RBM20: variants seen among roughly 807,000 people sequenced by gnomAD.
RBM20 encodes the protein RNA binding motif protein 20.
RBM20 carries 51 observed loss-of-function variants against 110.1 expected under a neutral mutation model. The ratio of observed to expected loss-of-function variants is 0.46; its 90% CI spans 0.37 to 0.59. RBM20 has a LOEUF of 0.59. Ranked by LOEUF, RBM20 falls within the 20% of genes least tolerant of loss-of-function variation. The pLI is 0.00. For missense variants in RBM20, 1,512 were observed against 1,574.9 expected (o/e 0.96, Z 0.68); for synonymous variants, 589 against 618.2 (o/e 0.95, Z 0.70).
chr10:110,648,015 T>C (rs975990667), intron 1 of RBM20, among the ~76,000 whole-genome samples: 3 of 152,242 alleles, frequency 2.0e-5, no homozygotes, highest in Admixed American at 6.5e-5. Context: ...CTTATTTGAT[T>C]TGCAGCAAAA....
intron 1 of RBM20, among the ~76,000 whole-genome samples, chr10:110,711,394 A>T (rs1486912336): frequency 6.9e-6 from 1 of 145,346 alleles, no homozygotes; most frequent in Non-Finnish European, 1.5e-5. Flanking sequence ...AGGACAGGCC[A>T]CTGCCACCTT....
intron 1 of RBM20, among the ~76,000 whole-genome samples, chr10:110,763,751 CTT>C (rs56845100): frequency 1.6e-4 from 10 of 64,392 alleles, no homozygotes; most frequent in African/African-American, 3.8e-4. Context: ...GGCTTCTTGG[CTT>C]TTTTTTTTTT....
chr10:110,781,916 G>A (rs1411861506), intron 2 of RBM20, 32 bp downstream of exon 2: 14 of 1,551,426 alleles, frequency 9.0e-6, no homozygotes, highest in Non-Finnish European at 8.7e-6. Flanking sequence ...GGGAGCCACA[G>A]CTAGAAGCCT....
chr10:110,786,169 G>T lies in RBM20; in HGVS notation c.1527+1280G>T, dbSNP rs145071447. On this transcript the variant is annotated intron_variant, in intron 5 of 13. Transcript: ENST00000369519. ...CTTCTCCTCTGGGCAGGAGAAAGGG[G>T]AGTGGGAGGAAAACTGACTGTAAAA... Among the ~76,000 whole-genome samples the T allele has an allele frequency of 4.7e-3, 715 of 152,326 alleles. 4 individuals are homozygous for T. Among genetic ancestry groups the T allele is most frequent in the African/African-American group, 0.017 (687 of 41,546 alleles).
At chr10:110,795,116 C>A (rs1226962624) in intron 5 of RBM20, among the ~76,000 whole-genome samples, 1 of 152,240 alleles carries the variant, frequency 6.6e-6, no homozygotes, top group East Asian at 1.9e-4. Context: ...AGAGACCAGG[C>A]AGAGCACCTA....
intron 1 of RBM20, among the ~76,000 whole-genome samples, chr10:110,766,206 G>A (rs71481108): frequency 0.027 from 4,107 of 152,208 alleles, 73 homozygotes; most frequent in East Asian, 0.052. Flanking sequence ...TTTAGTTTGT[G>A]GTATTCTAAG....
chr10:110,724,851 C>T (rs1165609059), intron 1 of RBM20, among the ~76,000 whole-genome samples: 1 of 152,170 alleles, frequency 6.6e-6, no homozygotes, highest in Non-Finnish European at 1.5e-5. Flanking sequence ...TGCCTGGAAA[C>T]CTTGATCCTG....
chr10:110,791,733 A>G (rs1442912088), intron 5 of RBM20, among the ~76,000 whole-genome samples: 1 of 152,160 alleles, frequency 6.6e-6, no homozygotes, highest in Non-Finnish European at 1.5e-5. Flanking sequence ...CCCCGATCCC[A>G]TGTGGGGGCA....
chr10:110,836,962 G>A lies in RBM20; in HGVS notation c.*984G>A, dbSNP rs1301888262. On this transcript the variant is annotated 3_prime_UTR_variant, in exon 14 of 14. Transcript: ENST00000369519. ...GCTGTGGAAAACAGAGTTGTCTTGG[G>A]GGTTAAATGAGCTTATTTAAGTCAA... 1 of 152,262 alleles carries A rather than the reference G, an allele frequency of 6.6e-6. No individual in the cohort carries two copies. The highest frequency in any genetic ancestry group is 2.4e-5 in the African/African-American group (1 of 41,448). The allele number at this position is 152,262 out of a possible 1,614,324, so 9.4% of individuals were successfully genotyped here.
intron 1 of RBM20, among the ~76,000 whole-genome samples, chr10:110,750,460 G>C (rs1444361757): frequency 1.3e-5 from 2 of 152,206 alleles, no homozygotes; most frequent in Non-Finnish European, 2.9e-5. Flanking sequence ...TCTTCTCTCT[G>C]TGGGGCAGGT....
At chr10:110,686,816 A>G (rs1321849541) in intron 1 of RBM20, among the ~76,000 whole-genome samples, 1 of 152,118 alleles carries the variant, frequency 6.6e-6, no homozygotes, top group Non-Finnish European at 1.5e-5. Flanking sequence ...AGGCAGGCAG[A>G]TCATTTGAGG....
chr10:110,756,207 T>G (rs1274384384), intron 1 of RBM20, among the ~76,000 whole-genome samples: 5 of 152,218 alleles, frequency 3.3e-5, no homozygotes, highest in Non-Finnish European at 7.3e-5. Context: ...TAAGAATGAA[T>G]TCTTGACTGT....
At chr10:110,813,015 A>G in intron 9 of RBM20, 68 bp downstream of exon 9, 1 of 1,100,878 alleles carries the variant, frequency 9.1e-7, no homozygotes, top group Non-Finnish European at 1.3e-6. Flanking sequence ...TAATAATATA[A>G]TGAGGATGAA....
chr10:110,750,464 G>A (rs1843838925), intron 1 of RBM20, among the ~76,000 whole-genome samples: 1 of 152,156 alleles, frequency 6.6e-6, no homozygotes. Context: ...CTCTCTGTGG[G>A]GCAGGTTACA....
At chr10:110,666,055 T>C (rs199911437) in intron 1 of RBM20, among the ~76,000 whole-genome samples, 2 of 151,908 alleles carry the variant, frequency 1.3e-5, no homozygotes, top group Non-Finnish European at 2.9e-5. Flanking sequence ...AAAGCAGTTA[T>C]ACTCTAGGGT....
intron 1 of RBM20, chr10:110,756,664 T>C (rs1419214904): frequency 6.6e-6 from 1 of 152,236 alleles, no homozygotes; most frequent in Non-Finnish European, 1.5e-5. Context: ...CTTCTCTGTT[T>C]AAGACTTAGC....
At chr10:110,807,150 C>T (rs1168768087) in intron 7 of RBM20, among the ~76,000 whole-genome samples, 1 of 152,182 alleles carries the variant, frequency 6.6e-6, no homozygotes, top group East Asian at 1.9e-4. Context: ...ATCTCTCCAG[C>T]CATGCATCTT....
intron 1 of RBM20, among the ~76,000 whole-genome samples, chr10:110,697,052 A>G (rs1194897352): frequency 6.6e-6 from 1 of 152,218 alleles, no homozygotes; most frequent in Non-Finnish European, 1.5e-5. Flanking sequence ...CTTAAGGAAA[A>G]AAACTTATCC....
At chr10:110,651,745 C>G (rs1276164560) in intron 1 of RBM20, among the ~76,000 whole-genome samples, 1 of 152,184 alleles carries the variant, frequency 6.6e-6, no homozygotes, top group South Asian at 2.1e-4. Context: ...CGCCCTAAAA[C>G]CTCTTTGCAG....
Sources: allele counts gnomAD v4.1 joint callset (sites outside exome capture counted in the v4.1 genomes callset), GRCh38; gene constraint gnomAD v4.1.1; transcripts MANE v1.5; gene names NCBI Gene and HGNC (gene_info 2026-07-23, HGNC 2026-07-21).